The following LRRC3B variants were observed in gnomAD, a reference collection of about 807,000 sequenced individuals.
LRRC3B encodes the protein leucine rich repeat containing 3B.
In LRRC3B, 2 loss-of-function variants were observed where a neutral mutation model predicts 12.8. The observed-to-expected ratio is 0.16, with a 90% CI of 0.06 to 0.49. The LOEUF (loss-of-function observed/expected upper bound fraction) is 0.49, where lower values mean the gene tolerates loss of function less well. Ranked by LOEUF, LRRC3B falls within the 20% of genes least tolerant of loss-of-function variation. LRRC3B has a pLI of 0.96. For missense variants in LRRC3B, 189 were observed against 319.4 expected (o/e 0.59, Z 3.11); for synonymous variants, 132 against 122.0 (o/e 1.08, Z -0.54).
chr3:26,689,099 C>T (rs1017686680), intron 1 of LRRC3B, among the ~76,000 whole-genome samples: 2 of 152,170 alleles, frequency 1.3e-5, no homozygotes, highest in Non-Finnish European at 2.9e-5. Context: ...CAGGGAGTTC[C>T]AGCAGCTGAG....
At chr3:26,643,182 G>A (rs999369453) in intron 1 of LRRC3B, among the ~76,000 whole-genome samples, 12 of 152,014 alleles carry the variant, frequency 7.9e-5, no homozygotes, top group Admixed American at 2.6e-4. Flanking sequence ...ACACATTCAT[G>A]GTTGTAAGAG....
intron 1 of LRRC3B, among the ~76,000 whole-genome samples, chr3:26,648,236 A>G (rs909580557): frequency 6.6e-6 from 1 of 151,892 alleles, no homozygotes; most frequent in Non-Finnish European, 1.5e-5. Flanking sequence ...AGAACTCTCA[A>G]TCCATTATTC....
chr3:26,666,502 C>T (rs1699606495), intron 1 of LRRC3B, among the ~76,000 whole-genome samples: 1 of 152,050 alleles, frequency 6.6e-6, no homozygotes, highest in African/African-American at 2.4e-5. Flanking sequence ...TACCTATTAT[C>T]TCAACCAATC....
At chr3:26,708,329 G>T (rs1292650154) in intron 1 of LRRC3B, among the ~76,000 whole-genome samples, 2 of 152,182 alleles carry the variant, frequency 1.3e-5, no homozygotes, top group African/African-American at 4.8e-5. Context: ...TAGCATAAAA[G>T]ATAGGGCTGC....
At chr3:26,631,762 A>G (rs1698762195) in intron 1 of LRRC3B, among the ~76,000 whole-genome samples, 1 of 151,342 alleles carries the variant, frequency 6.6e-6, no homozygotes, top group East Asian at 1.9e-4. Flanking sequence ...CAGGCAACCT[A>G]GTTCTAGTTC....
chr3:26,640,222 A>G (rs1438243596), intron 1 of LRRC3B, among the ~76,000 whole-genome samples: 2 of 152,072 alleles, frequency 1.3e-5, no homozygotes, highest in African/African-American at 4.8e-5. Flanking sequence ...CTCCCACTAT[A>G]TTCTTTTTAC....
chr3:26,622,929 G>C (rs1316456024), exon 1 of LRRC3B: 1 of 151,942 alleles, frequency 6.6e-6, no homozygotes, highest in Admixed American at 6.6e-5. Flanking sequence ...AGCAACGCGA[G>C]CCAAGTCGTG....
intron 1 of LRRC3B, among the ~76,000 whole-genome samples, chr3:26,629,527 A>G (rs555145336): frequency 2.0e-5 from 3 of 152,198 alleles, no homozygotes; most frequent in Non-Finnish European, 4.4e-5. Context: ...AGCGGTGACT[A>G]AGCAGTATGC....
chr3:26,696,772 C>A (rs1700328434), intron 1 of LRRC3B, among the ~76,000 whole-genome samples: 2 of 152,102 alleles, frequency 1.3e-5, no homozygotes, highest in South Asian at 4.1e-4. Context: ...CTTTCTATGG[C>A]TTAGAAAGTC....
At chr3:26,686,380 G>C (rs1456837274) in intron 1 of LRRC3B, among the ~76,000 whole-genome samples, 1 of 152,108 alleles carries the variant, frequency 6.6e-6, no homozygotes, top group Admixed American at 6.5e-5. Context: ...CGCCCGGCCG[G>C]TAAATGGTTA....
At chr3:26,644,180 G>A (rs1699094048) in intron 1 of LRRC3B, among the ~76,000 whole-genome samples, 1 of 151,548 alleles carries the variant, frequency 6.6e-6, no homozygotes, top group Non-Finnish European at 1.5e-5. Context: ...ACATAAGTAT[G>A]AACACAGGTA....
chr3:26,690,476 C>T (rs575197501), intron 1 of LRRC3B, among the ~76,000 whole-genome samples: 1 of 152,292 alleles, frequency 6.6e-6, no homozygotes, highest in South Asian at 2.1e-4. Flanking sequence ...GGAAGTCTTA[C>T]TGCATCGTGC....
At chr3:26,697,768 G>A (rs145447558) in intron 1 of LRRC3B, among the ~76,000 whole-genome samples, 157 of 152,202 alleles carry the variant, frequency 1.0e-3, no homozygotes, top group African/African-American at 3.5e-3. Flanking sequence ...TAAATCAGAT[G>A]TGCAAAGACT....
exon 2 of LRRC3B, chr3:26,709,525 G>A: frequency 1.3e-6 from 1 of 765,946 alleles, no homozygotes; most frequent in South Asian, 1.8e-5. Context: ...GCCCAAGCAA[G>A]GAAAGAAATA....
At chr3:26,671,215 C>T (rs1385415830) in intron 1 of LRRC3B, among the ~76,000 whole-genome samples, 1 of 143,828 alleles carries the variant, frequency 7.0e-6, no homozygotes, top group African/African-American at 2.6e-5. Flanking sequence ...CGGGGTTTCA[C>T]CGTTTTAGCC....
At chr3:26,693,241 A>G (rs1700230415) in intron 1 of LRRC3B, among the ~76,000 whole-genome samples, 1 of 145,822 alleles carries the variant, frequency 6.9e-6, no homozygotes, top group South Asian at 2.2e-4. Flanking sequence ...AGGCAGGAGA[A>G]TGGCGTGAAC....
rs370236664 is a variant in LRRC3B, at chr3:26,635,026, A to T, written c.-161+11789A>T. Among the ~76,000 whole-genome samples, 19 of 152,358 alleles carry T rather than the reference A, an allele frequency of 1.2e-4. No homozygotes were observed. In the South Asian group the frequency reaches 3.9e-3, roughly 32 times the overall value. ...CTTCAAAGATACAGGCAGACCTTGAAATAAGGATACCTAACTTACAGAAGC... is the reference window on the plus strand; with the variant it reads ...CTTCAAAGATACAGGCAGACCTTGATATAAGGATACCTAACTTACAGAAGC... On this transcript the variant is annotated intron_variant, in intron 1 of 1. Transcript: ENST00000396641.
chr3:26,696,314 AT>A (rs959312984), intron 1 of LRRC3B, among the ~76,000 whole-genome samples: 1 of 152,162 alleles, frequency 6.6e-6, no homozygotes, highest in Non-Finnish European at 1.5e-5. Context: ...TGAATTATGC[AT>A]TTTTTTATTT....
intron 1 of LRRC3B, among the ~76,000 whole-genome samples, chr3:26,655,408 A>G (rs865823952): frequency 1.3e-5 from 2 of 152,168 alleles, no homozygotes; most frequent in Non-Finnish European, 2.9e-5. Context: ...ATCTTGAGTT[A>G]CTTGCAGTTT....
Sources: allele counts gnomAD v4.1 joint callset (sites outside exome capture counted in the v4.1 genomes callset), GRCh38; gene constraint gnomAD v4.1.1; transcripts MANE v1.5; gene names NCBI Gene and HGNC (gene_info 2026-07-23, HGNC 2026-07-21).